Variants in RNH1 observed in about 807,000 individuals in gnomAD.
RNH1 encodes the protein ribonuclease inhibitor.
In RNH1, 38 loss-of-function variants were observed where a neutral mutation model predicts 46.1. The observed-to-expected ratio is 0.82, with a 90% CI of 0.64 to 1.08. RNH1 has a LOEUF of 1.08. RNH1 is among the 50% of genes least tolerant of loss of function. RNH1 has a pLI of 0.00. For missense variants in RNH1, 577 were observed against 590.7 expected (o/e 0.98, Z 0.24); for synonymous variants, 319 against 279.1 (o/e 1.14, Z -1.43).
Position 502,392 on chromosome 11 carries a change from C to T in RNH1, c.-87-143G>A. On this transcript the variant is annotated intron_variant, in intron 2 of 10. Coordinates refer to ENST00000354420, the MANE Select transcript of RNH1 (RefSeq NM_203387.3). The surrounding 1 kb of genome is among the most constrained non-coding windows in gnomAD (Gnocchi z 5.8). ...GGCAGGGGGCAGGGACCAGCACCCACCCCCAGAAAGGCCACCATGGGCAGC... is the reference window on the plus strand; with the variant it reads ...GGCAGGGGGCAGGGACCAGCACCCATCCCCAGAAAGGCCACCATGGGCAGC... 1.7e-6 allele frequency: 1 copy of T among 576,664 alleles called. No individual in the cohort carries two copies. The highest frequency in any genetic ancestry group is 3.1e-6 in the Non-Finnish European group (1 of 321,432). 35.7% of individuals were successfully genotyped at this position (576,664 alleles called of 1,614,324 possible). A position where few individuals can be genotyped will look rare whatever the true frequency, so the allele number is the denominator to read the frequency against.
In RNH1 at chr11:499,834, C is replaced by G; in HGVS notation, c.438G>C (p.Lys146Asn). Residue 146 changes from lysine to asparagine, a missense_variant, in exon 5 of 11, where the codon AAG (lysine) becomes AAC (asparagine). Coordinates refer to ENST00000354420, the MANE Select transcript of RNH1 (RefSeq NM_203387.3). ...GGGGCAGGACACAAACTCACTGCAG[C>G]TTTTCCAGGCGGCACTGGGGGTCCA... is the stretch of plus-strand genomic sequence containing the variant. ...GLLDPQCRLE[K>N]LQLEYCSLSA... 1 of 1,606,648 alleles carries G rather than the reference C, an allele frequency of 6.2e-7. No individual in the cohort carries two copies. Among genetic ancestry groups the G allele is most frequent in the Non-Finnish European group, 8.5e-7 (1 of 1,176,160 alleles).
At chr11:504,223 G>A in intron 2 of RNH1, among the ~76,000 whole-genome samples, 1 of 152,242 alleles carries the variant, frequency 6.6e-6, no homozygotes, top group East Asian at 1.9e-4. Context: ...ACCCTCTAGG[G>A]AGACACGGGC....
intron 2 of RNH1, chr11:504,328 T>C (rs1850046403): frequency 6.6e-6 from 1 of 151,590 alleles, no homozygotes; most frequent in Non-Finnish European, 1.5e-5. Flanking sequence ...GACACCCTGC[T>C]GCAGACTAAA....
At chr11:503,798 C>T (rs1344134795) in intron 2 of RNH1, among the ~76,000 whole-genome samples, 1 of 152,174 alleles carries the variant, frequency 6.6e-6, no homozygotes, top group East Asian at 1.9e-4. Flanking sequence ...CCATCTGCAA[C>T]TAGCGCTGCG....
chr11:504,376 CT>C (rs1850052086), intron 2 of RNH1: 1 of 152,798 alleles, frequency 6.5e-6, no homozygotes, highest in African/African-American at 2.4e-5. Context: ...CGAAGGGGGT[CT>C]CCCCTGCCTC....
chr11:498,976 T>C (rs35608427), intron 6 of RNH1, 39 bp downstream of exon 6: 193,146 of 1,589,172 alleles, frequency 0.12, 13,564 homozygotes, highest in Admixed American at 0.24. Flanking sequence ...GGACCCCCCC[T>C]AGCCCACACC....
intron 9 of RNH1, among the ~76,000 whole-genome samples, chr11:495,669 TGCAGTGACCAGGACCCAA>T (rs1231088124): frequency 6.6e-6 from 1 of 152,156 alleles, no homozygotes; most frequent in East Asian, 1.9e-4. Flanking sequence ...GGAACAAGTC[TGCAGTGACCAGGACCCAA>T]GGTTCCTCTC....
chr11:494,850 T>G, intron 10 of RNH1, 33 bp downstream of exon 10: 1 of 1,602,588 alleles, frequency 6.2e-7, no homozygotes, highest in Non-Finnish European at 8.5e-7. Context: ...TGGGCAGCCC[T>G]GGCCGCACCA....
chr11:499,777 C>T, intron 5 of RNH1, 52 bp downstream of exon 5: 1 of 1,578,194 alleles, frequency 6.3e-7, no homozygotes, highest in Non-Finnish European at 8.6e-7. Flanking sequence ...AGGGGGCTGG[C>T]TGGGGGACAG....
In RNH1 at chr11:498,709, A is replaced by G. The variant is rs1849403238; in HGVS notation, c.785+54T>C. The G allele has an allele frequency of 2.5e-6, 4 of 1,592,254 alleles. No homozygotes were observed. The South Asian group carries it at 4.4e-5, about 18-fold the overall frequency. On this transcript the variant is annotated intron_variant, in intron 7 of 10. Transcript: ENST00000354420. ...AGCCCAGGGGCGGGGGAGAGCTCTG[A>G]GGACGGCCCGCCGCCCGACCCTCCG...
rs1436194415 is a variant in RNH1, at chr11:502,097, C to T, written c.66G>A (p.Glu22=). 1.9e-6 allele frequency: 3 copies of T among 1,612,302 alleles called. No homozygotes were observed. Among genetic ancestry groups the T allele is most frequent in the East Asian group, 2.2e-5 (1 of 44,844 alleles). ...CEELSDARWA[E]LLPLLQQCQV... ...GGCACTGCTGGAGCAGAGGGAGGAG[C>T]TCGGCCCATCTAGCGTCGCTCAGCT... Residue 22 remains glutamate (E), a synonymous_variant, in exon 3 of 11, where the codon GAG becomes GAA. Coordinates refer to ENST00000354420, the MANE Select transcript of RNH1 (RefSeq NM_203387.3). This position sits in a 1 kb window ranked among gnomAD's most constrained non-coding sequence, Gnocchi z 5.8.
In RNH1 at chr11:498,509, G is replaced by A. The variant is rs772978961; in HGVS notation, c.904C>T (p.Arg302Ter). The change falls in exon 8 of 11, where the codon CGA becomes TGA. Residue 302 changes from arginine to a stop codon, truncating the protein, a stop_gained. Coordinates refer to ENST00000354420, the MANE Select transcript of RNH1 (RefSeq NM_203387.3). LOFTEE classifies it high-confidence loss of function. Reference protein sequence around the residue: ...AGNELGDEGARLLCETLLEPG... With the variant: ...AGNELGDEGA ...TCCAGCAGGGTCTCACACAGCAGTC[G>A]GGCACCCTCATCCCCCAGCTCGTTG... is the stretch of plus-strand genomic sequence containing the variant. 1.4e-5 allele frequency: 23 copies of A among 1,613,116 alleles called. No individual in the cohort carries two copies. Among genetic ancestry groups the A allele is most frequent in the South Asian group, 2.2e-5 (2 of 91,086 alleles).
rs1214122820 is a variant in RNH1 at position 499,122 on chromosome 11, C to G, written c.507G>C (p.Lys169Asn). 5 of 1,613,330 alleles carry G rather than the reference C, an allele frequency of 3.1e-6. No homozygotes were observed. In the African/African-American group the frequency reaches 4.0e-5, roughly 13 times the overall value. ...CEPLASVLRA[K>N]PDFKELTVSN... is the part of the protein sequence containing the mutation. The stretch of plus-strand genomic sequence containing the variant: ...TAACCGTGAGCTCCTTGAAGTCCGG[C>G]TTGGCCCTGAGCACGGAGGCCAGGG... The change falls in exon 6 of 11, where the codon AAG becomes AAC. Residue 169 changes from lysine to asparagine, a missense_variant. Lys to Asn is a moderately conservative substitution (Grantham distance 94, BLOSUM62 0). Transcript: ENST00000354420.
chr11:495,143 G>C, intron 9 of RNH1, 90 bp from the exon 10 acceptor site: 3 of 1,345,180 alleles, frequency 2.2e-6, no homozygotes, highest in Non-Finnish European at 3.1e-6. Flanking sequence ...GGGCGCGACG[G>C]ACACCTGTGC....
rs770422036 is a variant in RNH1 at position 498,042 on chromosome 11, C to G, written c.1056G>C (p.Arg352Ser). The change falls in exon 9 of 11, where the codon AGG (arginine) becomes AGC (serine). Residue 352 changes from arginine (R) to serine (S), a missense_variant. Arg to Ser is a moderately radical substitution (Grantham distance 110, BLOSUM62 -1). Coordinates refer to ENST00000354420, the MANE Select transcript of RNH1 (RefSeq NM_203387.3). ...FLLELQISNN[R>S]LEDAGVRELC... ...GCTCCCGCACGCCCGCATCCTCCAG[C>G]CTGTTGTTGCTTATCTGTAGCTCCA... The G allele has an allele frequency of 3.5e-5, 57 of 1,614,038 alleles. No individual in the cohort carries two copies. The highest frequency in any genetic ancestry group is 4.7e-5 in the Non-Finnish European group (55 of 1,180,060).
chr11:499,245 C>T (rs1377156580), intron 5 of RNH1, 60 bp from the exon 6 acceptor site: 1 of 1,580,100 alleles, frequency 6.3e-7, no homozygotes, highest in South Asian at 1.1e-5. Context: ...GGTGTGATAC[C>T]AGGGAGCACG....
chr11:506,756 C>T (rs977378499), intron 1 of RNH1: 7 of 152,302 alleles, frequency 4.6e-5, no homozygotes, highest in Admixed American at 4.6e-4. Flanking sequence ...GCTTGCGTAG[C>T]TCGCTGGAAT....
At chr11:506,580 C>T (rs1252284928) in intron 1 of RNH1, 2 of 152,394 alleles carry the variant, frequency 1.3e-5, no homozygotes, top group African/African-American at 2.4e-5. Context: ...ACCCTCCCTC[C>T]CCGACCTCGC....
At position 496,538 on chromosome 11, in the gene RNH1, G is replaced by A. The variant is rs1415540708; in HGVS notation, c.1127+1433C>T. On this transcript the variant is annotated intron_variant, in intron 9 of 10. Transcript: ENST00000354420. Reference sequence around the variant, plus strand: ...CAAAAAATTAGCCTGGTGTGGTGACGGGCGCCTGTGGTCCCAGCTACTCGG... The same window carrying A: ...CAAAAAATTAGCCTGGTGTGGTGACAGGCGCCTGTGGTCCCAGCTACTCGG... 7.2e-5 allele frequency among the ~76,000 whole-genome samples: 11 copies of A among 152,272 alleles called. No homozygotes were observed. In the East Asian group the frequency reaches 7.7e-4, roughly 11 times the overall value.
Sources: allele counts gnomAD v4.1 joint callset (sites outside exome capture counted in the v4.1 genomes callset), GRCh38; gene constraint gnomAD v4.1.1; non-coding constraint Gnocchi (gnomAD v3.1); transcripts MANE v1.5; gene names NCBI Gene and HGNC (gene_info 2026-07-23, HGNC 2026-07-21).